PLEKHD1: variants seen among roughly 807,000 people sequenced by gnomAD.
The protein encoded by PLEKHD1 is pleckstrin homology domain-containing family D member 1.
PLEKHD1 carries 51 observed loss-of-function variants against 69.2 expected under a neutral mutation model. That is an observed-to-expected ratio of 0.74 (90% CI 0.59 to 0.93). The LOEUF is 0.93. Ranked by LOEUF, PLEKHD1 falls within the 40% of genes least tolerant of loss-of-function variation. PLEKHD1 has a pLI of 0.00. For synonymous variants in PLEKHD1, 236 were observed against 244.7 expected (o/e 0.96, Z 0.33); for missense variants, 584 against 641.0 (o/e 0.91, Z 0.96).
chr14:69,500,767 A>T, intron 3 of PLEKHD1, 101 bp downstream of exon 3: 1 of 1,514,730 alleles, frequency 6.6e-7, no homozygotes. Flanking sequence ...GGAGAGGGGC[A>T]TCAGCACCCA....
chr14:69,500,187 A>C lies in PLEKHD1; in HGVS notation c.222A>C (p.Lys74Asn). Residue 74 changes from lysine (K) to asparagine (N), a missense_variant, in exon 2 of 13, where the codon AAA becomes AAC. Transcript: ENST00000322564. ...ESEKKSFETN[K>N]YFNIHPKGVI... Reference sequence around the variant, plus strand: ...AAAAAAAGAGCTTTGAAACCAATAAATACTTCAATATACATCCTAAGGTGA... The same window carrying C: ...AAAAAAAGAGCTTTGAAACCAATAACTACTTCAATATACATCCTAAGGTGA... 6.5e-7 allele frequency: 1 copy of C among 1,548,200 alleles called. No homozygotes were observed. The highest frequency in any genetic ancestry group is 1.2e-5 in the South Asian group (1 of 83,978).
chr14:69,530,409 C>T lies in PLEKHD1; in HGVS notation c.*1990C>T, dbSNP rs1451843228. 6.6e-6 allele frequency: 1 copy of T among 152,088 alleles called. No individual in the cohort carries two copies. Among genetic ancestry groups the T allele is most frequent in the Admixed American group, 6.5e-5 (1 of 15,274 alleles). 9.4% of individuals were successfully genotyped at this position (152,088 alleles called of 1,614,324 possible). A position where few individuals can be genotyped will look rare whatever the true frequency, so the allele number is the denominator to read the frequency against. On this transcript the variant is annotated 3_prime_UTR_variant, in exon 13 of 13. Transcript: ENST00000322564. ...TTTAAACGTGTATAACATGCATAAACCTGGAACTTGTTTCTCTAACACGTA... is the reference window on the plus strand; with the variant it reads ...TTTAAACGTGTATAACATGCATAAATCTGGAACTTGTTTCTCTAACACGTA...
At chr14:69,487,300 C>A (rs1882676091) in intron 1 of PLEKHD1, among the ~76,000 whole-genome samples, 1 of 152,120 alleles carries the variant, frequency 6.6e-6, no homozygotes, top group African/African-American at 2.4e-5. Flanking sequence ...CTCAGCTCAG[C>A]CCCCTCTCAC....
the PLEKHD1 span, among the ~76,000 whole-genome samples, chr14:69,473,029 A>G: frequency 4.6e-5 from 7 of 152,166 alleles, no homozygotes; most frequent in African/African-American, 1.4e-4. Context: ...GTCTCCCATC[A>G]TCCCCAGATG....
chr14:69,495,271 C>T (rs1480744643), intron 1 of PLEKHD1, among the ~76,000 whole-genome samples: 1 of 152,154 alleles, frequency 6.6e-6, no homozygotes, highest in Non-Finnish European at 1.5e-5. Context: ...CTCTCTTGCC[C>T]CCTAACGATA....
At chr14:69,500,809 GGCCTCCAT>G in intron 3 of PLEKHD1, 54 bp from the exon 4 acceptor site, 1 of 1,538,698 alleles carries the variant, frequency 6.5e-7, no homozygotes, top group Non-Finnish European at 8.8e-7. Context: ...GGCAGAGCTG[GGCCTCCAT>G]CACCCTCAGC....
intron 1 of PLEKHD1, among the ~76,000 whole-genome samples, chr14:69,491,200 A>T (rs1882770038): frequency 6.6e-6 from 1 of 152,212 alleles, no homozygotes; most frequent in Admixed American, 6.5e-5. Context: ...CTCAGCTTTT[A>T]TTCCTCAGTT....
rs1883710193 is a variant in PLEKHD1, at chr14:69,528,353, A to G, written c.1455A>G (p.Glu485=). The G allele has an allele frequency of 6.4e-7, 1 of 1,551,674 alleles. No individual in the cohort carries two copies. The highest frequency in any genetic ancestry group is 1.4e-5 in the African/African-American group (1 of 73,170). Residue 485 remains glutamate, a synonymous_variant, in exon 13 of 13, where the codon GAA becomes GAG. Transcript: ENST00000322564. ...TCAGCAGGGACCAGCGCTTCCGGGAATCCATCTACCACATCATGGCCACCC... is the reference window on the plus strand; with the variant it reads ...TCAGCAGGGACCAGCGCTTCCGGGAGTCCATCTACCACATCATGGCCACCC... ...KRLSRDQRFR[E]SIYHIMATQP... is the part of the protein sequence containing the mutation.
chr14:69,501,962 C>T (rs1883039453), intron 5 of PLEKHD1, 137 bp downstream of exon 5: 2 of 706,824 alleles, frequency 2.8e-6, no homozygotes, highest in Non-Finnish European at 4.7e-6. Context: ...AGTTTGGCAC[C>T]TGGAGGGCTT....
At chr14:69,471,590 A>G in the PLEKHD1 span, among the ~76,000 whole-genome samples, 3 of 152,278 alleles carry the variant, frequency 2.0e-5, no homozygotes, top group Middle Eastern at 3.4e-3. Flanking sequence ...AAACTGTACT[A>G]CCTTGAATAG....
intron 4 of PLEKHD1, chr14:69,501,267 C>T: frequency 2.3e-6 from 1 of 428,170 alleles, no homozygotes; most frequent in Non-Finnish European, 4.3e-6. Flanking sequence ...AGGACTAGAG[C>T]TAGTGCTTTG....
intron 4 of PLEKHD1, 127 bp from the exon 5 acceptor site, chr14:69,501,607 G>C (rs894579303): frequency 1.5e-6 from 1 of 678,430 alleles, no homozygotes; most frequent in African/African-American, 1.8e-5. Context: ...TGCAAGTTGA[G>C]ATTCTGGAGG....
chr14:69,482,912 AAAG>A (rs1882569757), upstream of PLEKHD1, among the ~76,000 whole-genome samples: 8 of 148,202 alleles, frequency 5.4e-5, no homozygotes, highest in South Asian at 1.7e-3. Flanking sequence ...AAAAAGAAAG[AAAG>A]AAAAAAAGAA....
At chr14:69,507,046 G>A (rs973611925) in intron 6 of PLEKHD1, among the ~76,000 whole-genome samples, 1 of 151,908 alleles carries the variant, frequency 6.6e-6, no homozygotes, top group African/African-American at 2.4e-5. Context: ...GGGAATACAG[G>A]CGCGTGCCAC....
chr14:69,513,979 G>A (rs1883327180), intron 6 of PLEKHD1, among the ~76,000 whole-genome samples: 1 of 151,954 alleles, frequency 6.6e-6, no homozygotes, highest in Non-Finnish European at 1.5e-5. Flanking sequence ...TTCTTCAATA[G>A]GTAATTTTTT....
At chr14:69,528,185 G>A (rs1883703761) in intron 12 of PLEKHD1, 65 bp from the exon 13 acceptor site, 1 of 1,531,984 alleles carries the variant, frequency 6.5e-7, no homozygotes. Flanking sequence ...ATGAGGCTGG[G>A]GACAGGGCCA....
At chr14:69,484,343 C>A (rs532514722), upstream of PLEKHD1, among the ~76,000 whole-genome samples, 28 of 152,344 alleles carry the variant, frequency 1.8e-4, 2 homozygotes, top group South Asian at 5.8e-3. Context: ...GCCCTAGCTC[C>A]GTCCTCTCCT....
At chr14:69,470,002 G>A in the PLEKHD1 span, among the ~76,000 whole-genome samples, 1 of 151,870 alleles carries the variant, frequency 6.6e-6, no homozygotes, top group Non-Finnish European at 1.5e-5. Context: ...GATTACAGGC[G>A]TGAGCCACCG....
chr14:69,503,215 T>C (rs1883069394), intron 6 of PLEKHD1: 1 of 345,588 alleles, frequency 2.9e-6, no homozygotes, highest in Admixed American at 4.2e-5. Context: ...CCCTCTGTTA[T>C]CCATAGAGGG....
Sources: allele counts gnomAD v4.1 joint callset (sites outside exome capture counted in the v4.1 genomes callset), GRCh38; gene constraint gnomAD v4.1.1; transcripts MANE v1.5; gene names NCBI Gene and HGNC (gene_info 2026-07-23, HGNC 2026-07-21).